FMNL2: variants seen among roughly 807,000 people sequenced by gnomAD.
The protein encoded by FMNL2 is formin-like protein 2.
Under a neutral mutation model 130.2 loss-of-function variants are expected in FMNL2, and 51 were observed. The ratio of observed to expected loss-of-function variants is 0.39; its 90% CI spans 0.31 to 0.49. The LOEUF (loss-of-function observed/expected upper bound fraction) is 0.49. Among genes scored for constraint, FMNL2 ranks in the 20% least tolerant of loss-of-function variants. The probability of loss-of-function intolerance (pLI) is 0.85; values close to 1 mark genes in which losing one functional copy is unlikely to be tolerated. For missense variants in FMNL2, 977 were observed against 1,316.2 expected (o/e 0.74, Z 3.99); for synonymous variants, 465 against 467.1 (o/e 1.00, Z 0.06).
At chr2:152,431,479 A>T (rs1174724147) in intron 1 of FMNL2, among the ~76,000 whole-genome samples, 1 of 152,232 alleles carries the variant, frequency 6.6e-6, no homozygotes, top group African/African-American at 2.4e-5. Flanking sequence ...TCACATTATG[A>T]GATGAAACAC....
chr2:152,480,067 TGTGA>T (rs1690409968), intron 1 of FMNL2, among the ~76,000 whole-genome samples: 1 of 152,200 alleles, frequency 6.6e-6, no homozygotes, highest in Non-Finnish European at 1.5e-5. Context: ...TTTGTGCTAA[TGTGA>T]GTATCATGAG....
chr2:152,421,787 C>T (rs946887144), intron 1 of FMNL2, among the ~76,000 whole-genome samples: 4 of 152,116 alleles, frequency 2.6e-5, no homozygotes, highest in Non-Finnish European at 4.4e-5. Flanking sequence ...ATAGAAATTG[C>T]GTAAGTGTAG....
intron 1 of FMNL2, among the ~76,000 whole-genome samples, chr2:152,454,997 G>T (rs749721064): frequency 6.6e-6 from 1 of 152,178 alleles, no homozygotes; most frequent in African/African-American, 2.4e-5. Flanking sequence ...GTCATTGAGA[G>T]GGTCCCCAGG....
At chr2:152,437,597 T>A (rs1687833735) in intron 1 of FMNL2, among the ~76,000 whole-genome samples, 1 of 152,196 alleles carries the variant, frequency 6.6e-6, no homozygotes, top group Non-Finnish European at 1.5e-5. Flanking sequence ...AAGCCTTGAT[T>A]ATGCCTTTTT....
At chr2:152,639,894 T>C (rs1270615748) in intron 23 of FMNL2, 64 bp from the exon 24 acceptor site, 9 of 1,418,758 alleles carry the variant, frequency 6.3e-6, no homozygotes, top group African/African-American at 1.5e-5. Context: ...AGAATGACTT[T>C]AAAAAATCTT....
At chr2:152,495,240 G>T (rs910648018) in intron 1 of FMNL2, among the ~76,000 whole-genome samples, 5 of 152,166 alleles carry the variant, frequency 3.3e-5, no homozygotes, top group African/African-American at 9.7e-5. Flanking sequence ...AATTCTTGGA[G>T]TTCTGTTATT....
intron 6 of FMNL2, among the ~76,000 whole-genome samples, chr2:152,572,457 C>G (rs1696226594): frequency 6.6e-6 from 1 of 152,110 alleles, no homozygotes; most frequent in Non-Finnish European, 1.5e-5. Flanking sequence ...TGTAAATCCT[C>G]ATTCTGTTGC....
At chr2:152,422,169 G>A (rs1558849774) in intron 1 of FMNL2, among the ~76,000 whole-genome samples, 1 of 152,198 alleles carries the variant, frequency 6.6e-6, no homozygotes, top group Non-Finnish European at 1.5e-5. Flanking sequence ...GCCTGTTGAG[G>A]CATGTTTTCT....
intron 1 of FMNL2, among the ~76,000 whole-genome samples, chr2:152,416,526 A>G (rs1205868191): frequency 6.6e-6 from 1 of 152,174 alleles, no homozygotes; most frequent in Non-Finnish European, 1.5e-5. Context: ...ATAACATCTC[A>G]GTTTCTCTAA....
rs192237501 is a variant in FMNL2, at chr2:152,358,978, C to T, written c.117+23258C>T. 1.1e-4 allele frequency among the ~76,000 whole-genome samples: 14 copies of T among 126,656 alleles called. No homozygotes were observed. The East Asian group carries it at 2.7e-3, about 24-fold the overall frequency. The allele number at this position is 126,656 out of a possible 152,430, so 83.1% of individuals were successfully genotyped here. On this transcript the variant is annotated intron_variant, in intron 1 of 25. Transcript: ENST00000288670. ...TGATGAAGTTGGTGTTAGAGAAATT[C>T]ATCCCCACAGTGTACACAGATTGTA...
chr2:152,415,148 T>A (rs1558843504), intron 1 of FMNL2, among the ~76,000 whole-genome samples: 1 of 151,188 alleles, frequency 6.6e-6, no homozygotes, highest in Non-Finnish European at 1.5e-5. Context: ...TTTGGCAACT[T>A]TATGTCAGTT....
At chr2:152,643,188 T>A (rs1013931447) in intron 25 of FMNL2, among the ~76,000 whole-genome samples, 2 of 152,238 alleles carry the variant, frequency 1.3e-5, no homozygotes, top group Non-Finnish European at 2.9e-5. Context: ...GGGCAGTTTT[T>A]ATCCTCCTTG....
At chr2:152,567,533 A>G (rs1045311091) in intron 6 of FMNL2, among the ~76,000 whole-genome samples, 1 of 152,238 alleles carries the variant, frequency 6.6e-6, no homozygotes, top group Admixed American at 6.5e-5. Flanking sequence ...AGAGACAGTC[A>G]GAAAACTGCC....
intron 15 of FMNL2, among the ~76,000 whole-genome samples, chr2:152,624,786 A>G (rs1271360594): frequency 6.6e-6 from 1 of 152,216 alleles, no homozygotes; most frequent in Non-Finnish European, 1.5e-5. Flanking sequence ...GCAGCGAGCC[A>G]TGATTGCGGC....
rs139464569 is a variant in FMNL2 at position 152,550,522 on chromosome 2, A to G, written c.359+1425A>G. Among the ~76,000 whole-genome samples the G allele has an allele frequency of 5.3e-5, 8 of 152,348 alleles. No homozygotes were observed. The East Asian group carries it at 1.3e-3, about 26-fold the overall frequency. On this transcript the variant is annotated intron_variant, in intron 4 of 25. Coordinates refer to ENST00000288670, the MANE Select transcript of FMNL2 (RefSeq NM_052905.4). ...CCAGAGAAGGTGAGTGAATTGCACA[A>G]AGTCTACAGCTGTAGAGCCAGGTGC...
intron 2 of FMNL2, among the ~76,000 whole-genome samples, chr2:152,541,149 T>C (rs1252735013): frequency 6.6e-6 from 1 of 152,122 alleles, no homozygotes; most frequent in East Asian, 1.9e-4. Context: ...CATTTCTTTT[T>C]TTCTTTTCTT....
Position 152,616,327 on chromosome 2 carries a change from GTTT to G in FMNL2, c.1213-746_1213-744del, listed in dbSNP as rs36107333. ...TTTATTATTATTATTATTTTTGTGGGTTTTTTTTTTTTTTTTTTTTGGAGATAG... is the reference window on the plus strand; with the variant it reads ...TTTATTATTATTATTATTTTTGTGGGTTTTTTTTTTTTTTTTTGGAGATAG... On this transcript the variant is annotated intron_variant, in intron 12 of 25. Coordinates refer to ENST00000288670, the MANE Select transcript of FMNL2 (RefSeq NM_052905.4). Among the ~76,000 whole-genome samples, 23 of 110,016 alleles carry G rather than the reference GTTT, an allele frequency of 2.1e-4. 1 individual carries two copies. In the Middle Eastern group the frequency reaches 0.025, roughly 118 times the overall value. 72.2% of individuals were successfully genotyped at this position (110,016 alleles called of 152,430 possible).
chr2:152,643,313 C>T (rs985987732), intron 25 of FMNL2: 14 of 1,470,364 alleles, frequency 9.5e-6, no homozygotes, highest in Non-Finnish European at 9.1e-7. Context: ...TTCCCCACCC[C>T]CATCCCCAGG....
At chr2:152,562,070 G>A (rs1431495634) in intron 6 of FMNL2, among the ~76,000 whole-genome samples, 1 of 152,106 alleles carries the variant, frequency 6.6e-6, no homozygotes, top group Non-Finnish European at 1.5e-5. Context: ...TTATTTGTCA[G>A]GCGTAACACT....
Sources: allele counts gnomAD v4.1 joint callset (sites outside exome capture counted in the v4.1 genomes callset), GRCh38; gene constraint gnomAD v4.1.1; transcripts MANE v1.5; gene names NCBI Gene and HGNC (gene_info 2026-07-23, HGNC 2026-07-21).